The following OSBPL1A variants were observed in gnomAD, a reference collection of about 807,000 sequenced individuals.
OSBPL1A encodes oxysterol-binding protein-related protein 1.
In OSBPL1A, 80 loss-of-function variants were observed where a neutral mutation model predicts 137.1. That is an observed-to-expected ratio of 0.58 (90% CI 0.49 to 0.70). OSBPL1A has a LOEUF of 0.70. Ranked by LOEUF, OSBPL1A falls within the 30% of genes least tolerant of loss-of-function variation. The pLI is 0.00. For missense variants in OSBPL1A, 970 were observed against 1,129.4 expected, an observed-to-expected ratio of 0.86 and a Z score of 2.02; for synonymous variants, 365 against 389.7, an observed-to-expected ratio of 0.94 and a Z score of 0.75.
chr18:24,262,069 T>C (rs535416032), intron 15 of OSBPL1A, among the ~76,000 whole-genome samples: 13 of 152,352 alleles, frequency 8.5e-5, no homozygotes, highest in African/African-American at 2.9e-4. Context: ...GCTTTCTGTA[T>C]ACTCCTGTAT....
Position 24,271,640 on chromosome 18 carries a change from C to G in OSBPL1A, c.1281+9202G>C. The G allele has an allele frequency of 1.0e-6, 1 of 985,754 alleles. No individual in the cohort carries two copies. The allele number at this position is 985,754 out of a possible 1,614,324, so 61.1% of individuals were successfully genotyped here. On this transcript the variant is annotated intron_variant, in intron 15 of 27. Transcript: ENST00000319481. This position sits in a 1 kb window ranked among gnomAD's most constrained non-coding sequence, Gnocchi z 4.0. Reference sequence around the variant, plus strand: ...CACCTACCTGGGCCAGATCCGAGGACCCCGGCTGGCGCGCTCCACCCTGCG... The same window carrying G: ...CACCTACCTGGGCCAGATCCGAGGAGCCCGGCTGGCGCGCTCCACCCTGCG...
At chr18:24,368,233 T>A in intron 3 of OSBPL1A, 54 bp downstream of exon 3, 1 of 1,389,226 alleles carries the variant, frequency 7.2e-7, no homozygotes, top group Non-Finnish European at 1.0e-6. Flanking sequence ...ATCTTAAAAT[T>A]TCCATAACAA....
At chr18:24,277,443 C>T (rs1216811123) in intron 15 of OSBPL1A, among the ~76,000 whole-genome samples, 5 of 152,204 alleles carry the variant, frequency 3.3e-5, no homozygotes, top group Non-Finnish European at 7.3e-5. Flanking sequence ...TACTGGATCC[C>T]TGTTTCGTGC....
chr18:24,216,660 A>G (rs2087712146), intron 17 of OSBPL1A, among the ~76,000 whole-genome samples: 1 of 152,250 alleles, frequency 6.6e-6, no homozygotes, highest in Non-Finnish European at 1.5e-5. Flanking sequence ...TTCAAAGGAC[A>G]ATACAAACTT....
At chr18:24,334,416 A>AAAACC (rs2091135561) in intron 5 of OSBPL1A, 86 bp from the exon 6 acceptor site, 1 of 969,858 alleles carries the variant, frequency 1.0e-6, no homozygotes, top group Admixed American at 3.1e-5. Flanking sequence ...CATGATGAGA[A>AAAACC]AAACCAAAAT....
intron 6 of OSBPL1A, among the ~76,000 whole-genome samples, chr18:24,333,703 C>T (rs2091125041): frequency 6.6e-6 from 1 of 152,130 alleles, no homozygotes. Context: ...TGAGACTGTG[C>T]AGGAATGGAA....
chr18:24,318,828 A>G lies in OSBPL1A; in HGVS notation c.626-19T>C, dbSNP rs2090789651. 6.2e-7 allele frequency: 1 copy of G among 1,607,158 alleles called. No individual in the cohort carries two copies. The highest frequency in any genetic ancestry group is 8.5e-7 in the Non-Finnish European group (1 of 1,176,980). On this transcript the variant is annotated intron_variant, in intron 7 of 27. Transcript: ENST00000319481. ...TTCTGATCTGTGCAAAATACAAAGAAAAAAAGCCATCAACAGCTTAAATGT... is the reference window on the plus strand; with the variant it reads ...TTCTGATCTGTGCAAAATACAAAGAGAAAAAGCCATCAACAGCTTAAATGT...
intron 14 of OSBPL1A, among the ~76,000 whole-genome samples, chr18:24,291,877 A>ACCCT (rs1446386815): frequency 1.3e-5 from 2 of 151,940 alleles, no homozygotes; most frequent in Non-Finnish European, 2.9e-5. Flanking sequence ...ATGTGGTGAA[A>ACCCT]CCCTGTCTCT....
In OSBPL1A at chr18:24,188,783, G is replaced by C. The variant is rs150315619; in HGVS notation, c.1677+7342C>G. 4.0e-3 allele frequency among the ~76,000 whole-genome samples: 613 copies of C among 152,224 alleles called. 2 individuals are homozygous for C. Among genetic ancestry groups the C allele is most frequent in the African/African-American group, 0.013 (530 of 41,542 alleles). Reference sequence around the variant, plus strand: ...ATTATTTCAATTGCTAAAACCTACAGTTCCCTAGAGAGGTAGTGAAAAACT... The same window carrying C: ...ATTATTTCAATTGCTAAAACCTACACTTCCCTAGAGAGGTAGTGAAAAACT... On this transcript the variant is annotated intron_variant, in intron 18 of 27. Transcript: ENST00000319481.
At chr18:24,396,917 TTAATTA>T (rs766911938) in intron 1 of OSBPL1A, among the ~76,000 whole-genome samples, 3 of 152,206 alleles carry the variant, frequency 2.0e-5, no homozygotes, top group Non-Finnish European at 2.9e-5. Flanking sequence ...TAAAGCTGAT[TTAATTA>T]TATTATTAAC....
At chr18:24,370,098 T>G (rs1289909742) in intron 2 of OSBPL1A, among the ~76,000 whole-genome samples, 2 of 152,204 alleles carry the variant, frequency 1.3e-5, no homozygotes, top group Non-Finnish European at 2.9e-5. Flanking sequence ...GGTGCACACC[T>G]GCAGTCTCAG....
chr18:24,220,953 G>C lies in OSBPL1A; in HGVS notation c.1601+4089C>G, dbSNP rs1488406311. Among the ~76,000 whole-genome samples, 3 of 152,008 alleles carry C rather than the reference G, an allele frequency of 2.0e-5. No homozygotes were observed. The East Asian group carries it at 5.8e-4, about 29-fold the overall frequency. On this transcript the variant is annotated intron_variant, in intron 17 of 27. Coordinates refer to ENST00000319481, the MANE Select transcript of OSBPL1A (RefSeq NM_080597.4). Reference sequence around the variant, plus strand: ...GTGCCACCACGCTCAGCTAATTTTTGTGTTTGTAGTAGAAACGGGGTTTCG... The same window carrying C: ...GTGCCACCACGCTCAGCTAATTTTTCTGTTTGTAGTAGAAACGGGGTTTCG...
chr18:24,311,857 G>T, intron 13 of OSBPL1A, 127 bp downstream of exon 13: 2 of 1,082,010 alleles, frequency 1.8e-6, no homozygotes, highest in Non-Finnish European at 2.7e-6. Context: ...ACTCAGTGAA[G>T]AACAGTACTA....
intron 15 of OSBPL1A, among the ~76,000 whole-genome samples, chr18:24,272,828 A>C (rs1331852504): frequency 6.6e-6 from 1 of 152,230 alleles, no homozygotes; most frequent in Non-Finnish European, 1.5e-5. Context: ...ATTCCAGGCC[A>C]TGCTGGGAAA....
chr18:24,240,011 C>T (rs1162660132), intron 15 of OSBPL1A, among the ~76,000 whole-genome samples: 1 of 150,816 alleles, frequency 6.6e-6, no homozygotes, highest in African/African-American at 2.4e-5. Context: ...GAAACCTCCG[C>T]CTCTTGGGTT....
chr18:24,202,512 G>C (rs1395334587), intron 17 of OSBPL1A, among the ~76,000 whole-genome samples: 1 of 152,194 alleles, frequency 6.6e-6, no homozygotes, highest in African/African-American at 2.4e-5. Flanking sequence ...CTGCATTACA[G>C]ATAACTTATC....
chr18:24,179,872 C>T (rs377034687), intron 19 of OSBPL1A, 37 bp from the exon 20 acceptor site: 448 of 1,533,868 alleles, frequency 2.9e-4, no homozygotes, highest in Non-Finnish European at 3.8e-4. Context: ...CAAAAATAGC[C>T]GAGCTCGCTC....
chr18:24,390,464 A>C (rs553952884), intron 1 of OSBPL1A, among the ~76,000 whole-genome samples: 6 of 152,184 alleles, frequency 3.9e-5, no homozygotes, highest in African/African-American at 1.4e-4. Flanking sequence ...AGGCCAAGGC[A>C]GGCGATCACT....
Position 24,170,316 on chromosome 18 carries a change from A to AGGAT in OSBPL1A, c.2418+7_2418+10dup. On this transcript the variant is annotated intron_variant, in intron 24 of 27. Transcript: ENST00000319481. ...AGTTATTCCTTCGATACCACCTTAC[A>AGGAT]GGATGTTCACCTGTTTGCTGTTCTT... 6.2e-7 allele frequency: 1 copy of AGGAT among 1,614,078 alleles called. No individual in the cohort carries two copies. Among genetic ancestry groups the AGGAT allele is most frequent in the South Asian group, 1.1e-5 (1 of 91,070 alleles).
Sources: gnomAD v4.1 joint callset for allele counts (sites outside exome capture counted in the v4.1 genomes callset) on GRCh38, gnomAD v4.1.1 for gene constraint, Gnocchi (gnomAD v3.1) non-coding constraint, MANE v1.5 for transcripts, NCBI Gene and HGNC (gene_info 2026-07-23, HGNC 2026-07-21) for gene names.